The following RAD23A variants were observed in gnomAD, a reference collection of about 807,000 sequenced individuals.
RAD23A encodes RAD23 nucleotide excision repair protein A, also known as lysine-specific demethylase RAD23A.
RAD23A carries 16 observed loss-of-function variants against 44.8 expected under a neutral mutation model. That is an observed-to-expected ratio of 0.36 (90% CI 0.24 to 0.54). The LOEUF is 0.54. Ranked by LOEUF, RAD23A falls within the 20% of genes least tolerant of loss-of-function variation. The probability of loss-of-function intolerance (pLI) is 0.89; values close to 1 mark genes in which losing one functional copy is unlikely to be tolerated. For missense variants in RAD23A, 380 were observed against 483.3 expected (o/e 0.79, Z 2.00); for synonymous variants, 217 against 202.9 (o/e 1.07, Z -0.59).
At position 12,949,137 on chromosome 19, in the gene RAD23A, G is replaced by C. The variant is rs199799122; in HGVS notation, c.657G>C (p.Ser219=). Residue 219 remains serine, a synonymous_variant, in exon 6 of 9, where the codon TCG becomes TCC. Transcript: ENST00000586534. ...GTTCTGTCCAGGAGAGCCAGGTATC[G>C]GAGCAGCCGGCCACGGAAGCAGGTG... The part of the protein sequence containing the change: ...EHGSVQESQV[S]EQPATEAAGE... 1 of 1,613,966 alleles carries C rather than the reference G, an allele frequency of 6.2e-7. No individual in the cohort carries two copies. Among genetic ancestry groups the C allele is most frequent in the Non-Finnish European group, 8.5e-7 (1 of 1,179,916 alleles).
At position 12,952,642 on chromosome 19, in the gene RAD23A, G is replaced by A. The variant is rs1402339856; in HGVS notation, c.814-47G>A. On this transcript the variant is annotated intron_variant, in intron 7 of 8. Coordinates refer to ENST00000586534, the MANE Select transcript of RAD23A (RefSeq NM_005053.4). ...GGCTGTGATGACCTGGGGAGAGGAG[G>A]GGACCAGGGCTGTGAATTACCTTCC... The A allele has an allele frequency of 2.6e-6, 4 of 1,550,160 alleles. No homozygotes were observed. In the African/African-American group the frequency reaches 4.1e-5, roughly 16 times the overall value.
rs753869995 is a variant in RAD23A at position 12,948,369 on chromosome 19, G to A, written c.416+11G>A. 20 of 1,567,554 alleles carry A rather than the reference G, an allele frequency of 1.3e-5. No homozygotes were observed. Among genetic ancestry groups the A allele is most frequent in the Non-Finnish European group, 1.7e-5 (20 of 1,155,052 alleles). ...AGAGTCTGTGTCAGGGTAAGGCGGG[G>A]GCAGCAGTCCCAGCTTGGGCCCTGT... On this transcript the variant is annotated intron_variant, in intron 3 of 8. Coordinates refer to ENST00000586534, the MANE Select transcript of RAD23A (RefSeq NM_005053.4). This position sits in a 1 kb window ranked among gnomAD's most constrained non-coding sequence, Gnocchi z 5.5.
At position 12,953,179 on chromosome 19, in the gene RAD23A, A is replaced by T. The variant is rs2146046875; in HGVS notation, c.*130A>T. The T allele has an allele frequency of 1.5e-6, 1 of 671,708 alleles. No individual in the cohort carries two copies. The highest frequency in any genetic ancestry group is 2.7e-5 in the South Asian group (1 of 36,810). The allele number at this position is 671,708 out of a possible 1,614,324, so 41.6% of individuals were successfully genotyped here. On this transcript the variant is annotated 3_prime_UTR_variant, in exon 9 of 9. Transcript: ENST00000586534. ...AAAAAATCAAAAATCTTAAAAAAAC[A>T]AGCAAACAGTCCAGCTTCCTGTCCT...
intron 1 of RAD23A, among the ~76,000 whole-genome samples, chr19:12,946,588 T>G (rs896012822): frequency 6.6e-6 from 1 of 152,190 alleles, no homozygotes; most frequent in Non-Finnish European, 1.5e-5. Context: ...TCTGATCATT[T>G]TACAGATGTG....
At chr19:12,946,155 C>T (rs1236582972) in intron 1 of RAD23A, 135 bp downstream of exon 1, 1 of 833,620 alleles carries the variant, frequency 1.2e-6, no homozygotes, top group East Asian at 3.0e-5. Flanking sequence ...CCGACCTGCC[C>T]GACTTTCCTG....
In RAD23A at chr19:12,945,944, C is replaced by G; in HGVS notation, c.-5C>G. ...CCGGGGCCGCCGCGTCGCTCGGGCC[C>G]CGCCATGGCCGTCACCATCACGCTC... is the stretch of plus-strand genomic sequence containing the variant. On this transcript the variant is annotated 5_prime_UTR_variant, in exon 1 of 9. Transcript: ENST00000586534. 1 of 1,607,370 alleles carries G rather than the reference C, an allele frequency of 6.2e-7. No individual in the cohort carries two copies. The highest frequency in any genetic ancestry group is 8.5e-7 in the Non-Finnish European group (1 of 1,178,070).
intron 1 of RAD23A, 104 bp from the exon 2 acceptor site, chr19:12,947,744 G>A (rs902641787): frequency 1.8e-6 from 2 of 1,127,690 alleles, no homozygotes; most frequent in South Asian, 1.4e-5. Context: ...AAAACCCAGC[G>A]TGCTTGCCTT....
chr19:12,948,693 C>T lies in RAD23A; in HGVS notation c.480C>T (p.Gly160=), dbSNP rs1475143464. The T allele has an allele frequency of 1.2e-6, 2 of 1,612,422 alleles. No individual in the cohort carries two copies. Among genetic ancestry groups the T allele is most frequent in the Middle Eastern group, 1.7e-4 (1 of 6,040 alleles). Residue 160 remains glycine, a synonymous_variant, in exon 5 of 9, where the codon GGC becomes GGT. Transcript: ENST00000586534. The surrounding 1 kb of genome is among the most constrained non-coding windows in gnomAD (Gnocchi z 5.5). Reference sequence around the variant, plus strand: ...TTGCTGCTTCCTCCACAGTGACGGGCTCTGAGTATGAGACGATGCTGACGG... The same window carrying T: ...TTGCTGCTTCCTCCACAGTGACGGGTTCTGAGTATGAGACGATGCTGACGG... ...EEDAASTLVT[G]SEYETMLTEI...
intron 1 of RAD23A, among the ~76,000 whole-genome samples, chr19:12,947,597 G>A (rs1971701905): frequency 6.6e-6 from 1 of 152,214 alleles, no homozygotes; most frequent in South Asian, 2.1e-4. Flanking sequence ...TGTTGAGTTT[G>A]TTCTGTGCTG....
At chr19:12,947,680 A>G (rs916942387) in intron 1 of RAD23A, among the ~76,000 whole-genome samples, 168 bp from the exon 2 acceptor site, 3 of 152,230 alleles carry the variant, frequency 2.0e-5, no homozygotes, top group African/African-American at 4.8e-5. Flanking sequence ...GTTGAATGGC[A>G]TGATGATTGA....
At position 12,948,213 on chromosome 19, in the gene RAD23A, G is replaced by T. The variant is rs1340447793; in HGVS notation, c.271G>T (p.Ala91Ser). 1.9e-6 allele frequency: 3 copies of T among 1,613,930 alleles called. No homozygotes were observed. The highest frequency in any genetic ancestry group is 2.5e-6 in the Non-Finnish European group (3 of 1,180,018). ...AGQGTSAPPE[A>S]SPTAAPESST... ...CCAGGGTACCTCAGCACCCCCAGAG[G>T]CCTCACCCACAGCTGCCCCAGAGTC... Residue 91 changes from alanine (A) to serine (S), a missense_variant, in exon 3 of 9, where the codon GCC becomes TCC. By Grantham distance (99) the Ala-to-Ser change is moderately conservative. Coordinates refer to ENST00000586534, the MANE Select transcript of RAD23A (RefSeq NM_005053.4). The surrounding 1 kb of genome is among the most constrained non-coding windows in gnomAD (Gnocchi z 5.5).
intron 1 of RAD23A, 47 bp downstream of exon 1, chr19:12,946,067 G>A: frequency 7.5e-7 from 1 of 1,340,914 alleles, no homozygotes; most frequent in Non-Finnish European, 1.0e-6. Flanking sequence ...GGGTTTCGGG[G>A]GTGGGGTGGG....
At position 12,949,635 on chromosome 19, in the gene RAD23A, A is replaced by G. The variant is rs139446686; in HGVS notation, c.813+227A>G. 9 of 575,190 alleles carry G rather than the reference A, an allele frequency of 1.6e-5. 1 individual carries two copies. The highest frequency in any genetic ancestry group is 5.7e-5 in the East Asian group (2 of 34,878). 35.6% of individuals were successfully genotyped at this position (575,190 alleles called of 1,614,324 possible). The stretch of plus-strand genomic sequence containing the variant: ...TGTCAACATCACCTCCCACAGAAGA[A>G]GACACCGGAAACTTAGAGCAGCCTG... On this transcript the variant is annotated intron_variant, in intron 7 of 8. Transcript: ENST00000586534.
chr19:12,953,220 G>C lies in RAD23A; in HGVS notation c.*171G>C, dbSNP rs1205682125. Reference sequence around the variant, plus strand: ...TTCCTGTCCTCCTAAAGTGGCCCCTGTTCCCATCTCCCGGGCCAGACAGCT... The same window carrying C: ...TTCCTGTCCTCCTAAAGTGGCCCCTCTTCCCATCTCCCGGGCCAGACAGCT... On this transcript the variant is annotated 3_prime_UTR_variant, in exon 9 of 9. Coordinates refer to ENST00000586534, the MANE Select transcript of RAD23A (RefSeq NM_005053.4). 6 of 483,650 alleles carry C rather than the reference G, an allele frequency of 1.2e-5. No individual in the cohort carries two copies. Among genetic ancestry groups the C allele is most frequent in the Non-Finnish European group, 2.1e-5 (6 of 284,686 alleles). 30.0% of individuals were successfully genotyped at this position (483,650 alleles called of 1,614,324 possible).
chr19:12,952,622 T>C lies in RAD23A; in HGVS notation c.814-67T>C. 5 of 1,503,446 alleles carry C rather than the reference T, an allele frequency of 3.3e-6. No individual in the cohort carries two copies. The South Asian group carries it at 5.9e-5, about 18-fold the overall frequency. 93.1% of individuals were successfully genotyped at this position (1,503,446 alleles called of 1,614,324 possible). On this transcript the variant is annotated intron_variant, in intron 7 of 8. Transcript: ENST00000586534. ...TGACTGAATGAAAAAGCAAGGGCTG[T>C]GATGACCTGGGGAGAGGAGGGGACC...
At position 12,952,769 on chromosome 19, in the gene RAD23A, G is replaced by C; in HGVS notation, c.894G>C (p.Glu298Asp). Residue 298 changes from glutamate (E) to aspartate (D), a missense_variant, in exon 8 of 9, where the codon GAG becomes GAC. Physicochemically the swap from Glu to Asp is conservative, Grantham distance 45. Transcript: ENST00000586534. Reference sequence around the variant, plus strand: ...AGCTGGCGGACATCTCAGATGTGGAGGGGGAGGTGGGCGCCATAGGAGAGG... The same window carrying C: ...AGCTGGCGGACATCTCAGATGTGGACGGGGAGGTGGGCGCCATAGGAGAGG... ...PGELADISDVEGEVGAIGEEA... is the reference protein window; with the variant it reads ...PGELADISDVDGEVGAIGEEA... 6.2e-7 allele frequency: 1 copy of C among 1,613,230 alleles called. No homozygotes were observed. Among genetic ancestry groups the C allele is most frequent in the African/African-American group, 1.3e-5 (1 of 74,882 alleles).
chr19:12,946,055 A>AG, intron 1 of RAD23A, 35 bp downstream of exon 1: 4 of 268,068 alleles, frequency 1.5e-5, no homozygotes, highest in South Asian at 1.4e-4. Flanking sequence ...GGCGGGAGCG[A>AG]CGGGTTTCGG....
chr19:12,946,186 C>G (rs1275235130), intron 1 of RAD23A, among the ~76,000 whole-genome samples, 166 bp downstream of exon 1: 1 of 152,192 alleles, frequency 6.6e-6, no homozygotes, highest in Non-Finnish European at 1.5e-5. Flanking sequence ...TGGTCTTTGG[C>G]CCAGCCCCCA....
intron 7 of RAD23A, among the ~76,000 whole-genome samples, chr19:12,950,930 G>T (rs546551175): frequency 1.2e-3 from 176 of 152,256 alleles, no homozygotes; most frequent in African/African-American, 4.2e-3. Flanking sequence ...TGAGCATGGC[G>T]GCAGGCCACT....
Sources: allele counts gnomAD v4.1 joint callset (sites outside exome capture counted in the v4.1 genomes callset), GRCh38; gene constraint gnomAD v4.1.1; non-coding constraint Gnocchi (gnomAD v3.1); transcripts MANE v1.5; gene names NCBI Gene and HGNC (gene_info 2026-07-23, HGNC 2026-07-21).